MCC: variants seen among roughly 807,000 people sequenced by gnomAD.
MCC encodes colorectal mutant cancer protein.
In MCC, 90 loss-of-function variants were observed where a neutral mutation model predicts 116.2. The observed-to-expected ratio is 0.77, with a 90% CI of 0.65 to 0.92. The LOEUF (loss-of-function observed/expected upper bound fraction) is 0.92, where lower values mean the gene tolerates loss of function less well. Ranked by LOEUF, MCC falls within the 40% of genes least tolerant of loss-of-function variation. The pLI is 0.00. For synonymous variants in MCC, 578 were observed against 510.5 expected (o/e 1.13, Z -1.78); for missense variants, 1,516 against 1,312.2 (o/e 1.16, Z -2.40).
chr5:113,166,558 G>T (rs1231878804), intron 3 of MCC, among the ~76,000 whole-genome samples: 1 of 151,970 alleles, frequency 6.6e-6, no homozygotes, highest in Non-Finnish European at 1.5e-5. Context: ...ACTCTGAGAT[G>T]GATAAACAGG....
At chr5:113,268,658 A>G (rs1581344001) in intron 3 of MCC, among the ~76,000 whole-genome samples, 1 of 152,290 alleles carries the variant, frequency 6.6e-6, no homozygotes, top group South Asian at 2.1e-4. Context: ...AAAGAACATG[A>G]GCTCCCAGAA....
intron 3 of MCC, chr5:113,234,648 C>G (rs572676724): frequency 6.6e-6 from 1 of 152,286 alleles, no homozygotes; most frequent in Admixed American, 6.5e-5. Context: ...CAGAGAATAT[C>G]TGTTGAGTGC....
intron 3 of MCC, among the ~76,000 whole-genome samples, chr5:113,157,197 C>G (rs1760218895): frequency 6.6e-6 from 1 of 152,188 alleles, no homozygotes; most frequent in African/African-American, 2.4e-5. Flanking sequence ...ATAAACACAG[C>G]AGACATGCCT....
chr5:113,304,513 A>T (rs1309427777), intron 3 of MCC, among the ~76,000 whole-genome samples: 1 of 152,190 alleles, frequency 6.6e-6, no homozygotes, highest in South Asian at 2.1e-4. Context: ...CTCCGACATT[A>T]TCAGTGGGGA....
chr5:113,083,229 C>G (rs1469843330), intron 10 of MCC, among the ~76,000 whole-genome samples: 9 of 151,972 alleles, frequency 5.9e-5, no homozygotes, highest in Non-Finnish European at 1.2e-4. Context: ...AAATATGGCT[C>G]CTTCCCCAAG....
intron 3 of MCC, among the ~76,000 whole-genome samples, chr5:113,267,710 G>A (rs1765471765): frequency 6.6e-6 from 1 of 152,190 alleles, no homozygotes. Context: ...AGCAGATAAG[G>A]GAGGCAACGG....
At chr5:113,411,645 A>G (rs1769995841) in intron 1 of MCC, among the ~76,000 whole-genome samples, 1 of 152,090 alleles carries the variant, frequency 6.6e-6, no homozygotes, top group African/African-American at 2.4e-5. Flanking sequence ...CACTTTAATT[A>G]AAAGATTCAT....
At chr5:113,149,336 C>G (rs1022739652) in intron 4 of MCC, among the ~76,000 whole-genome samples, 12 of 151,850 alleles carry the variant, frequency 7.9e-5, no homozygotes, top group African/African-American at 2.2e-4. Flanking sequence ...TTTTCTATCA[C>G]TATTTTATTA....
chr5:113,221,424 A>G (rs549189422), intron 3 of MCC, among the ~76,000 whole-genome samples: 32 of 152,346 alleles, frequency 2.1e-4, no homozygotes, highest in Admixed American at 8.5e-4. Flanking sequence ...TTTGAAACGA[A>G]GATGATAACA....
At chr5:113,278,123 A>C (rs1027625381) in intron 3 of MCC, among the ~76,000 whole-genome samples, 1 of 151,988 alleles carries the variant, frequency 6.6e-6, no homozygotes, top group African/African-American at 2.4e-5. Flanking sequence ...ACATGGTCTG[A>C]GAAAGGAGTA....
chr5:113,452,785 T>G (rs1473203525), intron 1 of MCC, among the ~76,000 whole-genome samples: 1 of 152,222 alleles, frequency 6.6e-6, no homozygotes, highest in East Asian at 1.9e-4. Context: ...AGATTATGAT[T>G]TCATTGCAGG....
rs1772597103 is a variant in MCC, at chr5:113,488,154, G to A, written c.170+91C>T. ...CCCGCGAGCTTCTGAGCAACTTGCC[G>A]CAAGTTGGGGCGAGGGGGCAGAGCA... is the stretch of plus-strand genomic sequence containing the variant. On this transcript the variant is annotated intron_variant, in intron 1 of 18. Coordinates refer to ENST00000408903, the MANE Select transcript of MCC (RefSeq NM_001085377.2). 3.8e-6 allele frequency: 5 copies of A among 1,309,534 alleles called. No individual in the cohort carries two copies. The South Asian group carries it at 7.3e-5, about 19-fold the overall frequency. 81.1% of individuals were successfully genotyped at this position (1,309,534 alleles called of 1,614,324 possible).
At chr5:113,470,721 A>G (rs1370792145) in intron 1 of MCC, among the ~76,000 whole-genome samples, 11 of 151,352 alleles carry the variant, frequency 7.3e-5, no homozygotes, top group South Asian at 4.2e-4. Context: ...GAATTTGAAT[A>G]TTGGCCTGCC....
At chr5:113,043,668 C>A in intron 16 of MCC, 38 bp from the exon 17 acceptor site, 1 of 1,494,028 alleles carries the variant, frequency 6.7e-7, no homozygotes. Context: ...GGCCTGAATC[C>A]AAGCCGGCAG....
intron 8 of MCC, among the ~76,000 whole-genome samples, chr5:113,088,509 T>C (rs774504184): frequency 1.3e-5 from 2 of 151,394 alleles, no homozygotes; most frequent in Non-Finnish European, 2.9e-5. Flanking sequence ...ATTAACGATC[T>C]CAAGGCAAGA....
chr5:113,025,329 TA>T lies in MCC; in HGVS notation c.*1972del, dbSNP rs574641158. 3.3e-5 allele frequency: 5 copies of T among 151,716 alleles called. No individual in the cohort carries two copies. The highest frequency in any genetic ancestry group is 9.7e-5 in the African/African-American group (4 of 41,286). 9.4% of individuals were successfully genotyped at this position (151,716 alleles called of 1,614,324 possible). ...ACTTTATATGAAAAGTGAAAAATTC[TA>T]AAAAATCACAGGAATGGCCAGGCAC... On this transcript the variant is annotated 3_prime_UTR_variant, in exon 19 of 19. Coordinates refer to ENST00000408903, the MANE Select transcript of MCC (RefSeq NM_001085377.2).
intron 3 of MCC, among the ~76,000 whole-genome samples, chr5:113,206,730 T>G (rs1045734310): frequency 1.3e-5 from 2 of 152,122 alleles, no homozygotes; most frequent in Admixed American, 1.3e-4. Context: ...AAAATAAAAT[T>G]TTCAGGCACT....
At chr5:113,044,839 G>A (rs975822886) in intron 16 of MCC, among the ~76,000 whole-genome samples, 1 of 152,242 alleles carries the variant, frequency 6.6e-6, no homozygotes. Flanking sequence ...CTCCCAAAGT[G>A]CTGGGATCAC....
chr5:113,478,975 G>T (rs1246568587), intron 1 of MCC, among the ~76,000 whole-genome samples: 1 of 152,146 alleles, frequency 6.6e-6, no homozygotes, highest in Non-Finnish European at 1.5e-5. Context: ...TATCTTATCT[G>T]AAACAGATAA....
Sources: gnomAD v4.1 joint callset for allele counts (sites outside exome capture counted in the v4.1 genomes callset) on GRCh38, gnomAD v4.1.1 for gene constraint, MANE v1.5 for transcripts, NCBI Gene and HGNC (gene_info 2026-07-23, HGNC 2026-07-21) for gene names.